The following RPP30 variants were observed in gnomAD, a reference collection of about 807,000 sequenced individuals.
RPP30 encodes the protein ribonuclease P/MRP subunit p30, also known as ribonuclease P protein subunit p30.
In RPP30, 36 loss-of-function variants were observed where a neutral mutation model predicts 38.6. The observed-to-expected ratio is 0.93, with a 90% CI of 0.71 to 1.23. The LOEUF (loss-of-function observed/expected upper bound fraction) is 1.23. RPP30 is among the 50% of genes most tolerant of loss of function. The pLI is 0.00. For missense variants in RPP30, 321 were observed against 321.7 expected, an observed-to-expected ratio of 1.00 and a Z score of 0.02; for synonymous variants, 126 against 112.7, an observed-to-expected ratio of 1.12 and a Z score of -0.75.
intron 10 of RPP30, 106 bp from the exon 11 acceptor site, chr10:90,900,464 T>C (rs922715587): frequency 8.9e-7 from 1 of 1,118,638 alleles, no homozygotes; most frequent in East Asian, 2.4e-5. Context: ...CAGTTCATTA[T>C]GGCTTATCAT....
downstream of RPP30, among the ~76,000 whole-genome samples, chr10:90,907,304 A>G (rs556275373): frequency 3.5e-4 from 54 of 152,288 alleles, no homozygotes; most frequent in African/African-American, 1.2e-3. Flanking sequence ...AAGTCTGACA[A>G]ACTTAAGCCA....
intron 10 of RPP30, among the ~76,000 whole-genome samples, chr10:90,897,833 T>C (rs1029280213): frequency 6.6e-6 from 1 of 152,212 alleles, no homozygotes; most frequent in Non-Finnish European, 1.5e-5. Context: ...TATATATTTA[T>C]GGGGTACTGA....
At chr10:90,897,535 A>C (rs966726346) in intron 10 of RPP30, among the ~76,000 whole-genome samples, 3 of 152,188 alleles carry the variant, frequency 2.0e-5, no homozygotes, top group Non-Finnish European at 2.9e-5. Flanking sequence ...GGAGATTTTG[A>C]ATAATGATTT....
downstream of RPP30, chr10:90,902,201 C>A: frequency 2.4e-6 from 2 of 834,500 alleles, no homozygotes; most frequent in Non-Finnish European, 2.9e-6. Context: ...GCATCATGAC[C>A]AGGTGAAATT....
At position 90,900,806 on chromosome 10, in the gene RPP30, A is replaced by G; in HGVS notation, c.*127A>G. 1.4e-6 allele frequency: 2 copies of G among 1,398,452 alleles called. No individual in the cohort carries two copies. The highest frequency in any genetic ancestry group is 2.5e-5 in the East Asian group (1 of 39,556). 86.6% of individuals were successfully genotyped at this position (1,398,452 alleles called of 1,614,324 possible). ...AGCTAGAAATCAATAGTCTATAAAAACAGTTTTACTTGCAATCCATTAAAA... is the reference window on the plus strand; with the variant it reads ...AGCTAGAAATCAATAGTCTATAAAAGCAGTTTTACTTGCAATCCATTAAAA... On this transcript the variant is annotated 3_prime_UTR_variant, in exon 11 of 11. Transcript: ENST00000371703.
At chr10:90,887,323 C>T (rs570811591) in intron 6 of RPP30, among the ~76,000 whole-genome samples, 1 of 152,082 alleles carries the variant, frequency 6.6e-6, no homozygotes, top group Non-Finnish European at 1.5e-5. Context: ...AAATATGCTA[C>T]TCAAACTAAA....
intron 6 of RPP30, among the ~76,000 whole-genome samples, chr10:90,893,808 C>T (rs1477550752): frequency 6.6e-6 from 1 of 152,140 alleles, no homozygotes; most frequent in Non-Finnish European, 1.5e-5. Context: ...TGATCATCTC[C>T]CCCACTAAAA....
chr10:90,888,436 T>G (rs10881845), intron 6 of RPP30, among the ~76,000 whole-genome samples: 1 of 151,958 alleles, frequency 6.6e-6, no homozygotes, highest in Admixed American at 6.5e-5. Flanking sequence ...TAAACCAGAG[T>G]GTGAGCTCCT....
rs145521039 is a variant in RPP30 at position 90,896,202 on chromosome 10, GAATT to G, written c.618-105_618-102del. ...TCCAGTTGGACTAAGAACTGCTGTT[GAATT>G]AATTAGCCTCTCAAGATGACCAGGT... On this transcript the variant is annotated intron_variant, in intron 9 of 10. Transcript: ENST00000371703. 356 of 899,178 alleles carry G rather than the reference GAATT, an allele frequency of 4.0e-4. 1 individual carries two copies. The highest frequency in any genetic ancestry group is 3.6e-3 in the African/African-American group (218 of 61,012). The allele number at this position is 899,178 out of a possible 1,614,324, so 55.7% of individuals were successfully genotyped here.
chr10:90,895,818 A>G (rs1160632434), intron 8 of RPP30, 62 bp from the exon 9 acceptor site: 3 of 1,162,964 alleles, frequency 2.6e-6, no homozygotes, highest in South Asian at 2.8e-5. Context: ...TTAATTTGCT[A>G]TAAGTCATTG....
chr10:90,886,396 C>T lies in RPP30; in HGVS notation c.432+495C>T, dbSNP rs550130445. On this transcript the variant is annotated intron_variant, in intron 6 of 10. Transcript: ENST00000371703. ...AGCCCAGAGTTACTTTTATATGAAC[C>T]TAATAGGATGGCCATGTGTTCAGAA... Among the ~76,000 whole-genome samples the T allele has an allele frequency of 2.0e-5, 3 of 152,272 alleles. No individual in the cohort carries two copies. The South Asian group carries it at 6.2e-4, about 32-fold the overall frequency.
At chr10:90,893,711 A>G (rs1218536623) in intron 6 of RPP30, among the ~76,000 whole-genome samples, 2 of 152,066 alleles carry the variant, frequency 1.3e-5, no homozygotes, top group Non-Finnish European at 2.9e-5. Flanking sequence ...TTCCTCTACT[A>G]TTTAACTGCT....
chr10:90,904,163 G>T (rs1847230078), downstream of RPP30, among the ~76,000 whole-genome samples: 1 of 152,168 alleles, frequency 6.6e-6, no homozygotes, highest in South Asian at 2.1e-4. Flanking sequence ...CTCTAGTACT[G>T]TAATTAAAAC....
At chr10:90,887,231 G>T (rs1847014165) in intron 6 of RPP30, among the ~76,000 whole-genome samples, 1 of 151,948 alleles carries the variant, frequency 6.6e-6, no homozygotes. Flanking sequence ...GCCTCCCAAA[G>T]TGCTCAGCTT....
At chr10:90,893,718 T>C (rs934292221) in intron 6 of RPP30, among the ~76,000 whole-genome samples, 4 of 152,216 alleles carry the variant, frequency 2.6e-5, no homozygotes, top group African/African-American at 9.6e-5. Context: ...ACTATTTAAC[T>C]GCTTAATTTC....
intron 1 of RPP30, among the ~76,000 whole-genome samples, chr10:90,872,618 G>T (rs1846796147): frequency 6.6e-6 from 1 of 152,164 alleles, no homozygotes; most frequent in Non-Finnish European, 1.5e-5. Flanking sequence ...GGAAGCGAAA[G>T]CCTTGAGAGA....
chr10:90,872,617 A>C (rs1216013205), intron 1 of RPP30, among the ~76,000 whole-genome samples: 1 of 152,192 alleles, frequency 6.6e-6, no homozygotes, highest in Non-Finnish European at 1.5e-5. Flanking sequence ...GGGAAGCGAA[A>C]GCCTTGAGAG....
At chr10:90,894,522 A>G (rs1359752593) in intron 6 of RPP30, among the ~76,000 whole-genome samples, 1 of 152,170 alleles carries the variant, frequency 6.6e-6, no homozygotes, top group Non-Finnish European at 1.5e-5. Context: ...TAGCCTCTTC[A>G]TAATTCCTGT....
downstream of RPP30, among the ~76,000 whole-genome samples, chr10:90,904,724 A>G (rs1177716541): frequency 1.3e-5 from 2 of 152,170 alleles, no homozygotes; most frequent in African/African-American, 4.8e-5. Flanking sequence ...AGGCAGGAAA[A>G]TTGCTTGAAC....
Sources: allele counts gnomAD v4.1 joint callset (sites outside exome capture counted in the v4.1 genomes callset), GRCh38; gene constraint gnomAD v4.1.1; transcripts MANE v1.5; gene names NCBI Gene and HGNC (gene_info 2026-07-23, HGNC 2026-07-21).